CREB5: variants seen among roughly 807,000 people sequenced by gnomAD.
The protein encoded by CREB5 is cAMP responsive element binding protein 5.
In CREB5, 19 loss-of-function variants were observed where a neutral mutation model predicts 57.1. That is an observed-to-expected ratio of 0.33 (90% CI 0.23 to 0.49). The LOEUF (loss-of-function observed/expected upper bound fraction) is 0.49. Among genes scored for constraint, CREB5 ranks in the 20% least tolerant of loss-of-function variants. The pLI, the probability that CREB5 is intolerant of heterozygous loss-of-function variation, is 0.99. For synonymous variants in CREB5, 238 were observed against 238.3 expected (o/e 1.00, Z 0.01); for missense variants, 579 against 671.6 (o/e 0.86, Z 1.52).
At chr7:28,440,300 G>A (rs973679635) in intron 1 of CREB5, among the ~76,000 whole-genome samples, 1 of 152,152 alleles carries the variant, frequency 6.6e-6, no homozygotes, top group Admixed American at 6.5e-5. Context: ...GTACCAGTCA[G>A]CGTTTTCCTG....
chr7:28,406,333 T>C (rs1787578785), intron 1 of CREB5, among the ~76,000 whole-genome samples: 1 of 152,212 alleles, frequency 6.6e-6, no homozygotes, highest in Non-Finnish European at 1.5e-5. Flanking sequence ...ATCCAGCAAC[T>C]AAAGGTCTCC....
intron 4 of CREB5, among the ~76,000 whole-genome samples, chr7:28,528,322 T>C (rs1480064924): frequency 6.6e-6 from 1 of 152,226 alleles, no homozygotes; most frequent in Non-Finnish European, 1.5e-5. Flanking sequence ...GATGAAAGGA[T>C]AGTGTTTGAA....
intron 7 of CREB5, among the ~76,000 whole-genome samples, chr7:28,780,579 A>C (rs1806915445): frequency 6.6e-6 from 1 of 152,014 alleles, no homozygotes; most frequent in Non-Finnish European, 1.5e-5. Flanking sequence ...AAAATTAGCC[A>C]GGTGTGGTGG....
chr7:28,473,285 G>A (rs1264389384), intron 1 of CREB5, among the ~76,000 whole-genome samples: 1 of 152,064 alleles, frequency 6.6e-6, no homozygotes, highest in African/African-American at 2.4e-5. Context: ...AGGCACCATT[G>A]CATTCCAGCC....
At chr7:28,544,768 G>A (rs1794353355) in intron 4 of CREB5, among the ~76,000 whole-genome samples, 1 of 152,174 alleles carries the variant, frequency 6.6e-6, no homozygotes, top group African/African-American at 2.4e-5. Flanking sequence ...CTATGGCAGA[G>A]CATCACCAGG....
At chr7:28,306,545 TG>T (rs56654311) in intron 1 of CREB5, among the ~76,000 whole-genome samples, 3,843 of 51,974 alleles carry the variant, frequency 0.074, 277 homozygotes, top group South Asian at 0.13. Flanking sequence ...GATACAGTTT[TG>T]TTTTTTTTGT....
chr7:28,756,281 G>A (rs890414083), intron 7 of CREB5, among the ~76,000 whole-genome samples: 8 of 152,024 alleles, frequency 5.3e-5, no homozygotes, highest in East Asian at 1.9e-4. Context: ...GGCTGGGCAC[G>A]GTGGCTCACA....
chr7:28,510,265 C>T (rs1375403833), intron 4 of CREB5, among the ~76,000 whole-genome samples: 1 of 152,192 alleles, frequency 6.6e-6, no homozygotes, highest in Non-Finnish European at 1.5e-5. Context: ...CAGTGCCTAT[C>T]TTATCATTTT....
chr7:28,412,944 T>G (rs1562699611), intron 1 of CREB5, 27 bp downstream of exon 1: 10 of 1,411,478 alleles, frequency 7.1e-6, no homozygotes, highest in East Asian at 2.6e-5. Context: ...TTATGCATAT[T>G]AAACAGAGAG....
chr7:28,809,196 G>C lies in CREB5; in HGVS notation c.1036G>C (p.Ala346Pro). Residue 346 changes from alanine to proline, a missense_variant, in exon 9 of 11, where the codon GCA becomes CCA. Transcript: ENST00000357727. ...HTGNQAQVSPATQQMQPTQTI... is the reference protein window; with the variant it reads ...HTGNQAQVSPPTQQMQPTQTI... ...CTCTCTGGCCCAGCAGGTTTCACCA[G>C]CAACACAACAGATGCAGCCAACCCA... 1.2e-6 allele frequency: 2 copies of C among 1,611,052 alleles called. No homozygotes were observed. Among genetic ancestry groups the C allele is most frequent in the South Asian group, 1.1e-5 (1 of 90,786 alleles).
At chr7:28,666,764 T>G (rs1799841667) in intron 5 of CREB5, among the ~76,000 whole-genome samples, 1 of 151,762 alleles carries the variant, frequency 6.6e-6, no homozygotes, top group Non-Finnish European at 1.5e-5. Context: ...GCCTAGGAGT[T>G]CAAGACCAAC....
At position 28,642,989 on chromosome 7, in the gene CREB5, C is replaced by CACACACACACAT. The variant is rs1798734335; in HGVS notation, c.464+72463_464+72464insTACACACACACA. 1.7e-4 allele frequency among the ~76,000 whole-genome samples: 12 copies of CACACACACACAT among 71,100 alleles called. No homozygotes were observed. In the South Asian group the frequency reaches 2.2e-3, roughly 13 times the overall value. 46.6% of individuals were successfully genotyped at this position (71,100 alleles called of 152,430 possible). On this transcript the variant is annotated intron_variant, in intron 5 of 10. Transcript: ENST00000357727. ...ACACACACACACACACACACACATA[C>CACACACACACAT]ACACACACACACACACACACACACA...
At chr7:28,448,555 AT>A (rs1448633507) in intron 1 of CREB5, among the ~76,000 whole-genome samples, 1 of 152,086 alleles carries the variant, frequency 6.6e-6, no homozygotes, top group Non-Finnish European at 1.5e-5. Flanking sequence ...TGGCTGTTGG[AT>A]TTAACTACTC....
Position 28,743,999 on chromosome 7 carries a change from C to T in CREB5, c.702+19667C>T, listed in dbSNP as rs372191182. The stretch of plus-strand genomic sequence containing the variant: ...ATATCTCCCAATGCTATCCCTCCCC[C>T]CTCCCCCGACCCCACCACAGTCCCC... On this transcript the variant is annotated intron_variant, in intron 7 of 10. Transcript: ENST00000357727. Among the ~76,000 whole-genome samples the T allele has an allele frequency of 4.6e-5, 4 of 87,780 alleles. 1 individual carries two copies. Among genetic ancestry groups the T allele is most frequent in the Non-Finnish European group, 9.0e-5 (4 of 44,388 alleles). 57.6% of individuals were successfully genotyped at this position (87,780 alleles called of 152,430 possible).
At chr7:28,458,970 T>A (rs146431849) in intron 1 of CREB5, among the ~76,000 whole-genome samples, 10 of 152,234 alleles carry the variant, frequency 6.6e-5, no homozygotes, top group Non-Finnish European at 1.3e-4. Flanking sequence ...GTGATGAGAT[T>A]CTTGCTGATG....
At chr7:28,593,081 A>G (rs547818457) in intron 5 of CREB5, among the ~76,000 whole-genome samples, 2 of 152,334 alleles carry the variant, frequency 1.3e-5, no homozygotes, top group African/African-American at 4.8e-5. Flanking sequence ...ATGAGGGCAC[A>G]TGGCATAAGC....
At chr7:28,364,053 A>G (rs1278267000) in intron 1 of CREB5, among the ~76,000 whole-genome samples, 1 of 152,230 alleles carries the variant, frequency 6.6e-6, no homozygotes, top group Non-Finnish European at 1.5e-5. Context: ...GAAATGGATA[A>G]GTAAACATTT....
At position 28,488,233 on chromosome 7, in the gene CREB5, C is replaced by T. The variant is rs1216073462; in HGVS notation, c.62C>T (p.Pro21Leu). ...EQERPFVCSA[P>L]GCSQRFPTED... Reference sequence around the variant, plus strand: ...GAGAGGCCGTTTGTCTGCAGTGCCCCAGGCTGCTCCCAGGTGAGTGTGCGG... The same window carrying T: ...GAGAGGCCGTTTGTCTGCAGTGCCCTAGGCTGCTCCCAGGTGAGTGTGCGG... Residue 21 changes from proline to leucine, a missense_variant, in exon 2 of 11, where the codon CCA becomes CTA. Transcript: ENST00000357727. 2 of 1,613,794 alleles carry T rather than the reference C, an allele frequency of 1.2e-6. No homozygotes were observed. The highest frequency in any genetic ancestry group is 1.7e-6 in the Non-Finnish European group (2 of 1,179,822).
intron 1 of CREB5, among the ~76,000 whole-genome samples, chr7:28,393,222 C>A (rs1478832668): frequency 6.6e-6 from 1 of 152,232 alleles, no homozygotes; most frequent in Non-Finnish European, 1.5e-5. Context: ...GCCACCATAT[C>A]CAGCCATAGC....
Sources: allele counts gnomAD v4.1 joint callset (sites outside exome capture counted in the v4.1 genomes callset), GRCh38; gene constraint gnomAD v4.1.1; transcripts MANE v1.5; gene names NCBI Gene and HGNC (gene_info 2026-07-23, HGNC 2026-07-21).